MTMR3: variants seen among roughly 807,000 people sequenced by gnomAD.
MTMR3 encodes myotubularin related protein 3.
MTMR3 carries 32 observed loss-of-function variants against 132.4 expected under a neutral mutation model. The ratio of observed to expected loss-of-function variants is 0.24; its 90% CI spans 0.18 to 0.32. The LOEUF is 0.32. Among genes scored for constraint, MTMR3 ranks in the 10% least tolerant of loss-of-function variants. The probability of loss-of-function intolerance (pLI) is 1.00; values close to 1 mark genes in which losing one functional copy is unlikely to be tolerated. For synonymous variants in MTMR3, 556 were observed against 550.3 expected (o/e 1.01, Z -0.14); for missense variants, 1,216 against 1,489.6 (o/e 0.82, Z 3.02).
At chr22:29,972,909 A>G (rs2066563693) in intron 3 of MTMR3, among the ~76,000 whole-genome samples, 1 of 152,130 alleles carries the variant, frequency 6.6e-6, no homozygotes, top group South Asian at 2.1e-4. Flanking sequence ...TCTCATATGT[A>G]TGTTTTATAT....
rs990831719 is a variant in MTMR3, at chr22:30,026,032, T to G, written c.*231T>G. ...CCTCTGCCTTCAAAAAAGGAAACTT[T>G]CCCTTGGTTGTCTTAATTTTTTTTT... On this transcript the variant is annotated 3_prime_UTR_variant, in exon 20 of 20. Transcript: ENST00000401950. 3 of 453,480 alleles carry G rather than the reference T, an allele frequency of 6.6e-6. No individual in the cohort carries two copies. Among genetic ancestry groups the G allele is most frequent in the East Asian group, 3.3e-5 (1 of 30,378 alleles). The allele number at this position is 453,480 out of a possible 1,614,324, so 28.1% of individuals were successfully genotyped here. A position where few individuals can be genotyped will look rare whatever the true frequency, so the allele number is the denominator to read the frequency against.
intron 2 of MTMR3, among the ~76,000 whole-genome samples, chr22:29,960,219 G>C (rs1296778042): frequency 6.6e-6 from 1 of 152,126 alleles, no homozygotes; most frequent in East Asian, 1.9e-4. Flanking sequence ...TATGATCCCA[G>C]ACTAGATCCT....
chr22:29,908,754 A>T (rs1422269284), intron 1 of MTMR3, among the ~76,000 whole-genome samples: 1 of 152,228 alleles, frequency 6.6e-6, no homozygotes, highest in Non-Finnish European at 1.5e-5. Flanking sequence ...CACTTTGATT[A>T]TTGTAGAACT....
intron 1 of MTMR3, among the ~76,000 whole-genome samples, chr22:29,925,637 C>T (rs533385791): frequency 1.3e-5 from 2 of 151,678 alleles, no homozygotes; most frequent in African/African-American, 4.8e-5. Context: ...CAACTAGGGC[C>T]GGGCATGGTG....
chr22:29,975,997 T>C (rs1402045122), intron 3 of MTMR3, among the ~76,000 whole-genome samples: 1 of 152,198 alleles, frequency 6.6e-6, no homozygotes, highest in Non-Finnish European at 1.5e-5. Flanking sequence ...CATTAGTCTG[T>C]CTTGTACTTT....
chr22:30,012,190 T>G (rs2067449720), intron 12 of MTMR3, 178 bp from the exon 13 acceptor site: 2 of 626,752 alleles, frequency 3.2e-6, no homozygotes, highest in South Asian at 4.1e-5. Context: ...TATTGTATAG[T>G]AGGGCTTGGG....
intron 3 of MTMR3, 157 bp from the exon 4 acceptor site, chr22:29,978,285 A>G: frequency 3.9e-6 from 2 of 513,218 alleles, no homozygotes; most frequent in South Asian, 3.1e-5. Context: ...ATTGGATAGA[A>G]AAACTTTTTA....
At chr22:29,931,348 A>C (rs1282533864) in intron 1 of MTMR3, among the ~76,000 whole-genome samples, 4 of 152,184 alleles carry the variant, frequency 2.6e-5, no homozygotes, top group Non-Finnish European at 5.9e-5. Context: ...ACATACATAT[A>C]TTGCTTTGAA....
At chr22:29,926,846 C>T (rs1397709636) in intron 1 of MTMR3, among the ~76,000 whole-genome samples, 1 of 151,964 alleles carries the variant, frequency 6.6e-6, no homozygotes, top group African/African-American at 2.4e-5. Context: ...TGATGAAATC[C>T]CATTTATTTC....
chr22:29,934,006 A>T (rs1462850203), intron 1 of MTMR3, among the ~76,000 whole-genome samples: 1 of 152,176 alleles, frequency 6.6e-6, no homozygotes, highest in Non-Finnish European at 1.5e-5. Flanking sequence ...TTTATGGATA[A>T]AAACATGTTT....
chr22:29,955,403 T>TG (rs2066168384), intron 1 of MTMR3, among the ~76,000 whole-genome samples: 1 of 152,244 alleles, frequency 6.6e-6, no homozygotes, highest in Non-Finnish European at 1.5e-5. Flanking sequence ...ATTATACTCT[T>TG]GCAGGAAAAG....
rs140171265 is a variant in MTMR3 at position 30,022,083 on chromosome 22, A to G, written c.3280A>G (p.Ser1094Gly). Residue 1094 changes from serine to glycine, a missense_variant, in exon 18 of 20, where the codon AGC (serine) becomes GGC (glycine). Transcript: ENST00000401950. Reference protein sequence around the residue: ...NLDQNCLSRCSTEIFSEASWE... With the variant: ...NLDQNCLSRCGTEIFSEASWE... ...GGATCAGAACTGTTTGTCTCGCTGCAGCACAGAGATTTTCTCTGAAGCCAG... is the reference window on the plus strand; with the variant it reads ...GGATCAGAACTGTTTGTCTCGCTGCGGCACAGAGATTTTCTCTGAAGCCAG... The G allele has an allele frequency of 6.8e-6, 11 of 1,614,124 alleles. No homozygotes were observed. The highest frequency in any genetic ancestry group is 7.6e-6 in the Non-Finnish European group (9 of 1,180,054).
chr22:29,996,417 G>A (rs1462606705), intron 7 of MTMR3: 1 of 152,170 alleles, frequency 6.6e-6, no homozygotes, highest in Non-Finnish European at 1.5e-5. Context: ...GCTAGTGATA[G>A]TGATTGTTAC....
At chr22:29,885,632 C>T (rs2145691848) in intron 1 of MTMR3, among the ~76,000 whole-genome samples, 1 of 152,252 alleles carries the variant, frequency 6.6e-6, no homozygotes, top group East Asian at 1.9e-4. Flanking sequence ...ATGGTTGCTC[C>T]TAAACCATCT....
At chr22:29,937,257 T>C (rs2065767052) in intron 1 of MTMR3, among the ~76,000 whole-genome samples, 1 of 152,176 alleles carries the variant, frequency 6.6e-6, no homozygotes, top group African/African-American at 2.4e-5. Context: ...GTAAAAATCA[T>C]TGAGCGCCTA....
intron 2 of MTMR3, among the ~76,000 whole-genome samples, chr22:29,965,908 A>G (rs774144932): frequency 2.0e-4 from 30 of 152,232 alleles, no homozygotes; most frequent in Non-Finnish European, 3.7e-4. Flanking sequence ...GTGCATATTG[A>G]TAGGCTTACT....
intron 9 of MTMR3, chr22:30,004,628 A>C (rs2067239368): frequency 1.3e-5 from 2 of 152,250 alleles, no homozygotes; most frequent in Admixed American, 6.5e-5. Flanking sequence ...TCAAAAGATC[A>C]CAAAGTTCTT....
At chr22:29,959,723 G>T (rs1370896271) in intron 2 of MTMR3, among the ~76,000 whole-genome samples, 3 of 149,720 alleles carry the variant, frequency 2.0e-5, no homozygotes. Flanking sequence ...TTTAATATTT[G>T]TATTGCCATA....
intron 7 of MTMR3, 136 bp downstream of exon 7, chr22:29,991,806 C>T (rs1199665581): frequency 2.3e-6 from 2 of 885,628 alleles, no homozygotes; most frequent in East Asian, 5.8e-5. Context: ...AGCAAGTGCG[C>T]AGCATTCTTT....
Sources: gnomAD v4.1 joint callset for allele counts (sites outside exome capture counted in the v4.1 genomes callset) on GRCh38, gnomAD v4.1.1 for gene constraint, MANE v1.5 for transcripts, NCBI Gene and HGNC (gene_info 2026-07-23, HGNC 2026-07-21) for gene names.